Variants in ADGRL3 observed in about 807,000 individuals in gnomAD.
ADGRL3 encodes calcium-independent alpha-latrotoxin receptor 3.
A neutral mutation model predicts 153.5 loss-of-function variants in ADGRL3; 62 were observed. The ratio of observed to expected loss-of-function variants is 0.40; its 90% CI spans 0.33 to 0.50. The LOEUF (loss-of-function observed/expected upper bound fraction) is 0.50, where lower values mean the gene tolerates loss of function less well. ADGRL3 is among the 20% of genes least tolerant of loss of function. The probability of loss-of-function intolerance (pLI) is 0.47; values close to 1 mark genes in which losing one functional copy is unlikely to be tolerated. For synonymous variants in ADGRL3, 710 were observed against 672.5 expected (o/e 1.06, Z -0.86); for missense variants, 1,641 against 1,859.4 (o/e 0.88, Z 2.16).
At chr4:61,241,878 A>G (rs1390252925) in intron 1 of ADGRL3, among the ~76,000 whole-genome samples, 1 of 152,136 alleles carries the variant, frequency 6.6e-6, no homozygotes, top group Non-Finnish European at 1.5e-5. Flanking sequence ...GGCATTTAGC[A>G]TGAATTAGAT....
chr4:61,774,131 G>A (rs1308136738), intron 8 of ADGRL3, among the ~76,000 whole-genome samples: 1 of 151,920 alleles, frequency 6.6e-6, no homozygotes, highest in Non-Finnish European at 1.5e-5. Context: ...GAGGCAGGAG[G>A]ATCACCTAAG....
At chr4:61,388,729 A>G (rs1260941272) in intron 2 of ADGRL3, among the ~76,000 whole-genome samples, 1 of 152,180 alleles carries the variant, frequency 6.6e-6, no homozygotes, top group Non-Finnish European at 1.5e-5. Context: ...TCTGCTCTCC[A>G]GCTGCCCTGG....
At chr4:61,378,086 A>C (rs1215157923) in intron 1 of ADGRL3, among the ~76,000 whole-genome samples, 1 of 151,896 alleles carries the variant, frequency 6.6e-6, no homozygotes, top group African/African-American at 2.4e-5. Flanking sequence ...TATATTTACT[A>C]AGATTTGTTT....
intron 5 of ADGRL3, among the ~76,000 whole-genome samples, chr4:61,614,352 T>C (rs2091751447): frequency 6.6e-6 from 1 of 152,180 alleles, no homozygotes; most frequent in Non-Finnish European, 1.5e-5. Flanking sequence ...AAGTGATTGA[T>C]CTTCTTAAGC....
chr4:61,686,430 C>G (rs1347331134), intron 6 of ADGRL3, among the ~76,000 whole-genome samples: 1 of 151,988 alleles, frequency 6.6e-6, no homozygotes, highest in Non-Finnish European at 1.5e-5. Flanking sequence ...AATCATGAAT[C>G]TTATGAAACT....
At chr4:61,249,249 A>C (rs1758258789) in intron 1 of ADGRL3, among the ~76,000 whole-genome samples, 1 of 152,162 alleles carries the variant, frequency 6.6e-6, no homozygotes, top group Non-Finnish European at 1.5e-5. Context: ...TCTTTCAGTA[A>C]AGGTAACACA....
At chr4:61,425,796 ATG>A (rs759510305) in intron 2 of ADGRL3, among the ~76,000 whole-genome samples, 1 of 152,248 alleles carries the variant, frequency 6.6e-6, no homozygotes, top group Non-Finnish European at 1.5e-5. Flanking sequence ...AAGGAGTGAC[ATG>A]TAAATCACAC....
At chr4:61,401,392 A>G (rs1358792915) in intron 2 of ADGRL3, among the ~76,000 whole-genome samples, 1 of 151,968 alleles carries the variant, frequency 6.6e-6, no homozygotes, top group Non-Finnish European at 1.5e-5. Context: ...TCATTAAACA[A>G]TTATATTACA....
chr4:61,908,098 G>T (rs1369790382), intron 11 of ADGRL3, among the ~76,000 whole-genome samples: 1 of 151,874 alleles, frequency 6.6e-6, no homozygotes, highest in Non-Finnish European at 1.5e-5. Flanking sequence ...AAGACCAGGA[G>T]CCCCATCTCT....
At chr4:61,631,453 C>A (rs899602125) in intron 5 of ADGRL3, among the ~76,000 whole-genome samples, 3 of 152,126 alleles carry the variant, frequency 2.0e-5, no homozygotes, top group Non-Finnish European at 2.9e-5. Context: ...AACCAAGGAA[C>A]CCTTTTCATC....
At chr4:61,672,575 C>T (rs1451152157) in intron 5 of ADGRL3, among the ~76,000 whole-genome samples, 12 of 152,052 alleles carry the variant, frequency 7.9e-5, no homozygotes, top group Non-Finnish European at 1.6e-4. Context: ...TTAAAAAGTG[C>T]TCAACTTCAC....
At chr4:61,207,001 T>G (rs2148781427) in intron 1 of ADGRL3, among the ~76,000 whole-genome samples, 1 of 151,590 alleles carries the variant, frequency 6.6e-6, no homozygotes. Context: ...AATAAATAAA[T>G]AAATAAATAA....
intron 9 of ADGRL3, among the ~76,000 whole-genome samples, chr4:61,816,533 A>G (rs1580971557): frequency 6.6e-6 from 1 of 152,238 alleles, no homozygotes; most frequent in East Asian, 1.9e-4. Context: ...CCACACTTCA[A>G]AGGACCATGA....
At chr4:62,059,201 T>C (rs1446116502) in intron 25 of ADGRL3, among the ~76,000 whole-genome samples, 1 of 152,146 alleles carries the variant, frequency 6.6e-6, no homozygotes, top group African/African-American at 2.4e-5. Context: ...CATGGAAAAG[T>C]ATTTAATTCT....
At chr4:61,725,614 A>G (rs1422146256) in intron 6 of ADGRL3, among the ~76,000 whole-genome samples, 1 of 151,464 alleles carries the variant, frequency 6.6e-6, no homozygotes, top group African/African-American at 2.4e-5. Flanking sequence ...AAACCAAAAA[A>G]AAACAAAAAA....
intron 1 of ADGRL3, among the ~76,000 whole-genome samples, chr4:61,287,760 A>G (rs1361275539): frequency 6.6e-6 from 1 of 151,902 alleles, no homozygotes; most frequent in Non-Finnish European, 1.5e-5. Context: ...TGAAGATGAC[A>G]TGTACTAATT....
chr4:61,725,514 G>T (rs1428137037), intron 6 of ADGRL3, among the ~76,000 whole-genome samples: 2 of 150,550 alleles, frequency 1.3e-5, no homozygotes, highest in Non-Finnish European at 2.9e-5. Flanking sequence ...AGAATGGTGT[G>T]AACCCGGGAG....
At chr4:61,489,129 A>T (rs1254400784) in intron 2 of ADGRL3, among the ~76,000 whole-genome samples, 2 of 151,974 alleles carry the variant, frequency 1.3e-5, no homozygotes, top group Non-Finnish European at 1.5e-5. Flanking sequence ...TATTACCTTT[A>T]TTTAAGCCTT....
At chr4:61,384,255 A>G (rs1467783739) in intron 2 of ADGRL3, among the ~76,000 whole-genome samples, 2 of 151,808 alleles carry the variant, frequency 1.3e-5, no homozygotes, top group African/African-American at 4.8e-5. Context: ...TCTACATGCA[A>G]GCAATGTTGT....
Sources: allele counts gnomAD v4.1 joint callset (sites outside exome capture counted in the v4.1 genomes callset), GRCh38; gene constraint gnomAD v4.1.1; transcripts MANE v1.5; gene names NCBI Gene and HGNC (gene_info 2026-07-23, HGNC 2026-07-21).